Variants in PTPRB observed in about 807,000 individuals in gnomAD.
PTPRB encodes protein tyrosine phosphatase receptor type B.
Under a neutral mutation model 238.1 loss-of-function variants are expected in PTPRB, and 97 were observed. That is an observed-to-expected ratio of 0.41 (90% CI 0.35 to 0.48). The LOEUF is 0.48. Ranked by LOEUF, PTPRB falls within the 20% of genes least tolerant of loss-of-function variation. The probability of loss-of-function intolerance (pLI) is 0.30; values close to 1 mark genes in which losing one functional copy is unlikely to be tolerated. For missense variants in PTPRB, 2,292 were observed against 2,681.9 expected, an observed-to-expected ratio of 0.85 and a Z score of 3.21; for synonymous variants, 970 against 995.4, an observed-to-expected ratio of 0.97 and a Z score of 0.48.
At chr12:70,611,381 C>T (rs571184143) in intron 3 of PTPRB, among the ~76,000 whole-genome samples, 18 of 152,300 alleles carry the variant, frequency 1.2e-4, no homozygotes, top group African/African-American at 3.6e-4. Flanking sequence ...CTCTGCCTCC[C>T]GGGTTCAAGC....
intron 4 of PTPRB, among the ~76,000 whole-genome samples, chr12:70,597,225 T>C (rs1883111874): frequency 6.6e-6 from 1 of 152,106 alleles, no homozygotes; most frequent in Non-Finnish European, 1.5e-5. Context: ...TCTGGCCCCC[T>C]ATATCCCTAG....
Position 70,539,002 on chromosome 12 carries a change from C to T in PTPRB, c.5791G>A (p.Val1931Met), listed in dbSNP as rs1163632246. 6.2e-6 allele frequency: 10 copies of T among 1,613,386 alleles called. No homozygotes were observed. The highest frequency in any genetic ancestry group is 3.3e-5 in the South Asian group (3 of 90,912). Residue 1931 changes from valine to methionine, a missense_variant, in exon 27 of 34, where the codon GTG (valine) becomes ATG (methionine). Physicochemically the swap from Val to Met is conservative, Grantham distance 21. Coordinates refer to ENST00000334414, the MANE Select transcript of PTPRB (RefSeq NM_001109754.4). ...LSKEYEELKD[V>M]GRNQSCDIAL... ...ATGTCACATGACTGGTTTCGGCCCA[C>T]GTCTTTTAACTCCTGTTAGGTCAAA... is the stretch of plus-strand genomic sequence containing the variant.
At chr12:70,626,292 CATCCATCT>C (rs376933750) in intron 2 of PTPRB, among the ~76,000 whole-genome samples, 9,889 of 115,698 alleles carry the variant, frequency 0.085, 588 homozygotes, top group African/African-American at 0.11. Flanking sequence ...GATGTCTATC[CATCCATCT>C]ATCTATCTAT....
chr12:70,587,746 A>T (rs1430041166), intron 8 of PTPRB, among the ~76,000 whole-genome samples: 1 of 152,116 alleles, frequency 6.6e-6, no homozygotes, highest in African/African-American at 2.4e-5. Flanking sequence ...TTAATTGAGG[A>T]CTTATCTCAA....
rs1340836923 is a variant in PTPRB, at chr12:70,556,078, A to G, written c.4785T>C (p.Pro1595=). Residue 1595 remains proline, a synonymous_variant, in exon 19 of 34, where the codon CCT becomes CCC. Coordinates refer to ENST00000334414, the MANE Select transcript of PTPRB (RefSeq NM_001109754.4). ...NSTAIACSWI[P]PDSDFDGYSI... ...TATAACCATCAAAGTCAGAATCAGG[A>G]GGGATCCAAGAACAGGCAATGGCCG... 2 of 1,613,744 alleles carry G rather than the reference A, an allele frequency of 1.2e-6. No individual in the cohort carries two copies. The highest frequency in any genetic ancestry group is 1.7e-6 in the Non-Finnish European group (2 of 1,179,776).
At chr12:70,637,165 G>T (rs1885741976) in intron 1 of PTPRB, among the ~76,000 whole-genome samples, 176 bp downstream of exon 1, 1 of 152,158 alleles carries the variant, frequency 6.6e-6, no homozygotes, top group Admixed American at 6.5e-5. Flanking sequence ...CTTTTGGAGA[G>T]AAATCTCAAC....
intron 9 of PTPRB, among the ~76,000 whole-genome samples, chr12:70,581,557 T>C (rs1210026305): frequency 6.6e-6 from 1 of 152,174 alleles, no homozygotes; most frequent in Non-Finnish European, 1.5e-5. Context: ...TGCATGCTTA[T>C]TAAGTGGTTT....
chr12:70,516,644 G>C lies in PTPRB; in HGVS notation c.*4845C>G, dbSNP rs1038964576. On this transcript the variant is annotated 3_prime_UTR_variant, in exon 34 of 34. Coordinates refer to ENST00000334414, the MANE Select transcript of PTPRB (RefSeq NM_001109754.4). ...GCATAACTGAACGTTTGTTCTTGGG[G>C]TGAGGATATTATTTATTAAAATAGC... 3.9e-5 allele frequency: 6 copies of C among 152,188 alleles called. No individual in the cohort carries two copies. Among genetic ancestry groups the C allele is most frequent in the Non-Finnish European group, 7.4e-5 (5 of 68,022 alleles). 9.4% of individuals were successfully genotyped at this position (152,188 alleles called of 1,614,324 possible).
chr12:70,592,654 G>C, intron 6 of PTPRB, 109 bp from the exon 7 acceptor site: 1 of 1,171,580 alleles, frequency 8.5e-7, no homozygotes, highest in Non-Finnish European at 1.2e-6. Flanking sequence ...CCTTGCTCTG[G>C]AGAAAACAAG....
intron 14 of PTPRB, among the ~76,000 whole-genome samples, chr12:70,567,638 T>C (rs989610147): frequency 3.3e-5 from 5 of 152,202 alleles, no homozygotes; most frequent in Non-Finnish European, 5.9e-5. Flanking sequence ...CCATACATTA[T>C]TGCAACTGCC....
At chr12:70,636,875 G>A (rs1485006790) in intron 1 of PTPRB, among the ~76,000 whole-genome samples, 1 of 152,082 alleles carries the variant, frequency 6.6e-6, no homozygotes, top group African/African-American at 2.4e-5. Context: ...TACTTAAATT[G>A]CCCAGCTCGC....
chr12:70,602,063 G>A (rs1592573089), intron 4 of PTPRB, among the ~76,000 whole-genome samples: 1 of 152,114 alleles, frequency 6.6e-6, no homozygotes, highest in East Asian at 1.9e-4. Flanking sequence ...CCAAAGTGCT[G>A]GGATTACAGG....
chr12:70,626,368 T>TC (rs1249441024), intron 2 of PTPRB, among the ~76,000 whole-genome samples: 2 of 133,336 alleles, frequency 1.5e-5, no homozygotes, highest in African/African-American at 3.2e-5. Context: ...TCTATCTATA[T>TC]TCCTGCCTGC....
intron 9 of PTPRB, among the ~76,000 whole-genome samples, chr12:70,585,788 C>T (rs1189947625): frequency 6.6e-6 from 1 of 151,656 alleles, no homozygotes; most frequent in Non-Finnish European, 1.5e-5. Context: ...TAATGCTATC[C>T]CTCCCCCGAC....
intron 32 of PTPRB, among the ~76,000 whole-genome samples, chr12:70,526,601 T>G (rs1872479777): frequency 6.6e-6 from 1 of 152,240 alleles, no homozygotes; most frequent in Non-Finnish European, 1.5e-5. Flanking sequence ...CTTTGTCATT[T>G]ATTATGAATG....
At chr12:70,532,572 C>T (rs1367423445) in intron 31 of PTPRB, among the ~76,000 whole-genome samples, 2 of 152,118 alleles carry the variant, frequency 1.3e-5, no homozygotes, top group African/African-American at 2.4e-5. Flanking sequence ...TCAGATTTAT[C>T]TATATTGCTA....
At chr12:70,546,357 T>A (rs1263125649) in intron 21 of PTPRB, among the ~76,000 whole-genome samples, 3 of 152,294 alleles carry the variant, frequency 2.0e-5, no homozygotes, top group Admixed American at 1.3e-4. Context: ...ACAAGCAAGA[T>A]GCAGCTACAA....
At chr12:70,589,876 T>C in intron 8 of PTPRB, 88 bp downstream of exon 8, 1 of 1,279,314 alleles carries the variant, frequency 7.8e-7, no homozygotes, top group Non-Finnish European at 1.1e-6. Flanking sequence ...CAGGGTATGA[T>C]ATTAGCAGTT....
At position 70,552,769 on chromosome 12, in the gene PTPRB, T is replaced by C. The variant is rs2136299421; in HGVS notation, c.5387+8A>G. The C allele has an allele frequency of 1.2e-6, 2 of 1,613,822 alleles. No homozygotes were observed. Among genetic ancestry groups the C allele is most frequent in the Non-Finnish European group, 8.5e-7 (1 of 1,179,780 alleles). ...CCCTTCTAGCAAAACAGTGGTAATA[T>C]ATCTAACCTGTAGGCAGTGTGTGGC... On this transcript the variant is annotated splice_region_variant and intron_variant, in intron 21 of 33. Coordinates refer to ENST00000334414, the MANE Select transcript of PTPRB (RefSeq NM_001109754.4).
Sources: gnomAD v4.1 joint callset for allele counts (sites outside exome capture counted in the v4.1 genomes callset) on GRCh38, gnomAD v4.1.1 for gene constraint, MANE v1.5 for transcripts, NCBI Gene and HGNC (gene_info 2026-07-23, HGNC 2026-07-21) for gene names.